Variants in PPARD observed in about 807,000 individuals in gnomAD.
PPARD encodes peroxisome proliferator-activated receptor delta.
In PPARD, 6 loss-of-function variants were observed where a neutral mutation model predicts 39.5. The ratio of observed to expected loss-of-function variants is 0.15; its 90% confidence interval spans 0.08 to 0.30. The LOEUF (loss-of-function observed/expected upper bound fraction) is 0.30, where lower values mean the gene tolerates loss of function less well. Among genes scored for constraint, PPARD ranks in the 10% least tolerant of loss-of-function variants. PPARD has a pLI of 1.00. For missense variants in PPARD, 397 were observed against 596.8 expected, an observed-to-expected ratio of 0.67 and a Z score of 3.49; for synonymous variants, 210 against 231.3, an observed-to-expected ratio of 0.91 and a Z score of 0.83.
At chr6:35,411,870 C>T (rs1765451477) in intron 3 of PPARD, among the ~76,000 whole-genome samples, 1 of 152,126 alleles carries the variant, frequency 6.6e-6, no homozygotes, top group Non-Finnish European at 1.5e-5. Flanking sequence ...TGTTTACCTT[C>T]AAAAGCACCC....
intron 2 of PPARD, among the ~76,000 whole-genome samples, chr6:35,405,559 C>T (rs576359527): frequency 3.7e-4 from 56 of 150,290 alleles, no homozygotes; most frequent in Non-Finnish European, 4.7e-4. Flanking sequence ...ACACTGGGAG[C>T]CAGACCAAAA....
At chr6:35,359,545 CCTT>C (rs1429822595) in intron 2 of PPARD, among the ~76,000 whole-genome samples, 2 of 152,070 alleles carry the variant, frequency 1.3e-5, no homozygotes, top group African/African-American at 2.4e-5. Flanking sequence ...CCCTCCATGG[CCTT>C]CTTCAGCCCA....
At chr6:35,388,410 C>A (rs1763809734) in intron 2 of PPARD, among the ~76,000 whole-genome samples, 1 of 152,012 alleles carries the variant, frequency 6.6e-6, no homozygotes, top group African/African-American at 2.4e-5. Flanking sequence ...TTGAGCCAAA[C>A]CTTTTTCTCA....
At chr6:35,351,345 T>C (rs111407104) in intron 2 of PPARD, among the ~76,000 whole-genome samples, 4,330 of 152,250 alleles carry the variant, frequency 0.028, 174 homozygotes, top group African/African-American at 0.083. Context: ...TTAAAAATTA[T>C]TGAAGACCCC....
At chr6:35,419,362 G>A (rs1765991671) in intron 3 of PPARD, among the ~76,000 whole-genome samples, 1 of 152,174 alleles carries the variant, frequency 6.6e-6, no homozygotes, top group South Asian at 2.1e-4. Flanking sequence ...AATCCTAGCA[G>A]TTCTTATGAA....
At chr6:35,355,242 G>A (rs1340018231) in intron 2 of PPARD, among the ~76,000 whole-genome samples, 1 of 151,934 alleles carries the variant, frequency 6.6e-6, no homozygotes, top group African/African-American at 2.4e-5. Flanking sequence ...TTGAGGCCAC[G>A]AGTTTGAGAC....
chr6:35,367,109 G>A (rs953747824), intron 2 of PPARD, among the ~76,000 whole-genome samples: 2 of 152,164 alleles, frequency 1.3e-5, no homozygotes, highest in Non-Finnish European at 2.9e-5. Flanking sequence ...GGAAATGGAG[G>A]AGTGTAAGAG....
intron 2 of PPARD, among the ~76,000 whole-genome samples, chr6:35,377,986 C>A (rs1762914034): frequency 6.6e-6 from 1 of 151,604 alleles, no homozygotes; most frequent in African/African-American, 2.4e-5. Flanking sequence ...GCCTCAGCCT[C>A]CCACGTAGCT....
chr6:35,351,430 C>A (rs1321638291), intron 2 of PPARD, among the ~76,000 whole-genome samples: 1 of 152,176 alleles, frequency 6.6e-6, no homozygotes, highest in Non-Finnish European at 1.5e-5. Flanking sequence ...CCACTGATCT[C>A]ATTTTTAAAA....
intron 2 of PPARD, among the ~76,000 whole-genome samples, chr6:35,408,198 G>T (rs888665024): frequency 2.6e-5 from 4 of 152,192 alleles, no homozygotes; most frequent in African/African-American, 9.7e-5. Flanking sequence ...GATGGGAGGG[G>T]CAGAAGTTTG....
intron 2 of PPARD, among the ~76,000 whole-genome samples, chr6:35,403,953 G>C (rs919317948): frequency 6.6e-6 from 1 of 152,222 alleles, no homozygotes; most frequent in African/African-American, 2.4e-5. Flanking sequence ...AGGGACGAGA[G>C]CCTGTGGCTG....
chr6:35,383,031 G>T (rs1763240577), intron 2 of PPARD, among the ~76,000 whole-genome samples: 1 of 152,212 alleles, frequency 6.6e-6, no homozygotes, highest in Admixed American at 6.5e-5. Flanking sequence ...GTTGGATTTT[G>T]TGGGCAAGGG....
intron 2 of PPARD, among the ~76,000 whole-genome samples, chr6:35,408,828 C>T (rs1218688978): frequency 6.6e-6 from 1 of 152,276 alleles, no homozygotes; most frequent in South Asian, 2.1e-4. Flanking sequence ...GTACAGAGTC[C>T]CCACATATCC....
At chr6:35,365,130 C>CTTTTTTTTTTTTTTTTTT (rs551946022) in intron 2 of PPARD, among the ~76,000 whole-genome samples, 7 of 121,086 alleles carry the variant, frequency 5.8e-5, no homozygotes, top group African/African-American at 1.7e-4. Context: ...CTTCCTTATT[C>CTTTTTTTTTTTTTTTTTT]TTTTTTTTTT....
rs1248394342 is a variant in PPARD at position 35,426,040 on chromosome 6, G to A, written c.1287G>A (p.Leu429=). The A allele has an allele frequency of 9.9e-6, 16 of 1,612,476 alleles. No homozygotes were observed. Among genetic ancestry groups the A allele is most frequent in the Non-Finnish European group, 1.2e-5 (14 of 1,179,746 alleles). The part of the protein sequence containing the change: ...RIKKTETETS[L]HPLLQEIYKD... ...AGAAGACCGAAACCGAGACCTCGCT[G>A]CACCCTCTGCTCCAGGAGATCTACA... The change falls in exon 8 of 8, where the codon CTG becomes CTA. Residue 429 remains leucine, a synonymous_variant. Coordinates refer to ENST00000360694, the MANE Select transcript of PPARD (RefSeq NM_006238.5).
chr6:35,406,572 A>T (rs895020752), intron 2 of PPARD, among the ~76,000 whole-genome samples: 1 of 152,208 alleles, frequency 6.6e-6, no homozygotes, highest in African/African-American at 2.4e-5. Flanking sequence ...TAGAACAGCC[A>T]GGCTACAGCT....
In PPARD at chr6:35,396,075, T is replaced by C. The variant is rs757095948; in HGVS notation, c.-101-14912T>C. Among the ~76,000 whole-genome samples, 48 of 149,410 alleles carry C rather than the reference T, an allele frequency of 3.2e-4. 1 individual carries two copies. The highest frequency in any genetic ancestry group is 6.5e-4 in the Non-Finnish European group (44 of 67,860). On this transcript the variant is annotated intron_variant, in intron 2 of 7. Transcript: ENST00000360694. ...TACCCAGCCTTTTCCATTCCCTGCC[T>C]CCCTGTCTCCTTCTTTCTTTCTCCA...
chr6:35,343,712 C>T (rs1791999985), intron 1 of PPARD, among the ~76,000 whole-genome samples: 1 of 152,216 alleles, frequency 6.6e-6, no homozygotes, highest in African/African-American at 2.4e-5. Context: ...CTTCCAGGAA[C>T]CCTTGGGGGA....
chr6:35,421,731 T>C (rs1766184078), intron 4 of PPARD, 89 bp from the exon 5 acceptor site: 3 of 1,357,078 alleles, frequency 2.2e-6, no homozygotes, highest in East Asian at 2.5e-5. Context: ...ATGTCAGGAG[T>C]GTTTACACCT....
Sources: gnomAD v4.1 joint callset for allele counts (sites outside exome capture counted in the v4.1 genomes callset) on GRCh38, gnomAD v4.1.1 for gene constraint, MANE v1.5 for transcripts, NCBI Gene and HGNC (gene_info 2026-07-23, HGNC 2026-07-21) for gene names.